The following RIMS2 variants were observed in gnomAD, a reference collection of about 807,000 sequenced individuals.
RIMS2 encodes the protein regulating synaptic membrane exocytosis protein 2.
RIMS2 carries 59 observed loss-of-function variants against 174.4 expected under a neutral mutation model. The observed-to-expected ratio is 0.34, with a 90% CI of 0.27 to 0.42. The LOEUF is 0.42. Among genes scored for constraint, RIMS2 ranks in the 10% least tolerant of loss-of-function variants. The probability of loss-of-function intolerance (pLI) is 1.00; values close to 1 mark genes in which losing one functional copy is unlikely to be tolerated. For missense variants in RIMS2, 1,620 were observed against 1,666.3 expected, an observed-to-expected ratio of 0.97 and a Z score of 0.48; for synonymous variants, 606 against 572.5, an observed-to-expected ratio of 1.06 and a Z score of -0.84.
At chr8:103,754,565 A>C (rs1318723694) in intron 2 of RIMS2, among the ~76,000 whole-genome samples, 1 of 152,066 alleles carries the variant, frequency 6.6e-6, no homozygotes, top group Non-Finnish European at 1.5e-5. Context: ...TGGGAGTCTA[A>C]GTCTCTTTGT....
intron 1 of RIMS2, among the ~76,000 whole-genome samples, chr8:103,594,874 G>C (rs2094424849): frequency 6.6e-6 from 1 of 151,750 alleles, no homozygotes; most frequent in South Asian, 2.1e-4. Flanking sequence ...ATCCCTATAA[G>C]ACATGGGAGA....
intron 1 of RIMS2, among the ~76,000 whole-genome samples, chr8:103,577,506 A>G (rs2160712): frequency 6.6e-6 from 1 of 152,168 alleles, no homozygotes; most frequent in African/African-American, 2.4e-5. Context: ...GAAATATGCA[A>G]TGTAGGTGAC....
At chr8:104,199,698 A>C (rs138789301) in intron 19 of RIMS2, among the ~76,000 whole-genome samples, 16 of 152,344 alleles carry the variant, frequency 1.1e-4, no homozygotes, top group African/African-American at 3.1e-4. Context: ...AAGGACAGAC[A>C]GTATATCAAT....
At chr8:103,720,708 G>A (rs1399009534) in intron 2 of RIMS2, among the ~76,000 whole-genome samples, 2 of 152,088 alleles carry the variant, frequency 1.3e-5, no homozygotes, top group African/African-American at 4.8e-5. Context: ...AGGTATTTTG[G>A]ACTGTATTAT....
At chr8:104,091,843 T>G (rs1197453048) in intron 19 of RIMS2, among the ~76,000 whole-genome samples, 1 of 151,666 alleles carries the variant, frequency 6.6e-6, no homozygotes, top group African/African-American at 2.4e-5. Flanking sequence ...ATAATGTTTC[T>G]TTTAAAATTA....
intron 1 of RIMS2, chr8:103,652,708 G>A (rs1383521924): frequency 7.4e-7 from 1 of 1,345,290 alleles, no homozygotes; most frequent in Non-Finnish European, 9.8e-7. Flanking sequence ...AGGAGCCCCA[G>A]ACGTAAGTAA....
chr8:103,855,745 G>T (rs2099024081), intron 3 of RIMS2, among the ~76,000 whole-genome samples: 1 of 151,766 alleles, frequency 6.6e-6, no homozygotes, highest in South Asian at 2.1e-4. Context: ...TTATTTTTTT[G>T]AATTTATTAA....
intron 8 of RIMS2, among the ~76,000 whole-genome samples, chr8:103,916,980 G>C (rs1468861361): frequency 6.6e-6 from 1 of 152,040 alleles, no homozygotes; most frequent in Non-Finnish European, 1.5e-5. Context: ...TAGACAAACA[G>C]ACCAAAAATA....
chr8:104,171,511 T>C (rs1263749468), intron 19 of RIMS2, among the ~76,000 whole-genome samples: 1 of 151,996 alleles, frequency 6.6e-6, no homozygotes, highest in Admixed American at 6.6e-5. Context: ...GTTATATATA[T>C]ATATCTCTCT....
intron 1 of RIMS2, among the ~76,000 whole-genome samples, chr8:103,537,449 A>G (rs553518219): frequency 1.2e-4 from 18 of 152,356 alleles, no homozygotes; most frequent in African/African-American, 4.1e-4. Flanking sequence ...AGTTTTAGTA[A>G]GATCTAATGT....
At chr8:103,587,429 A>G (rs189452738) in intron 1 of RIMS2, among the ~76,000 whole-genome samples, 1 of 118,730 alleles carries the variant, frequency 8.4e-6, no homozygotes, top group Admixed American at 7.9e-5. Context: ...AGAAAGAAAG[A>G]AAGAAAGAAA....
intron 2 of RIMS2, among the ~76,000 whole-genome samples, chr8:103,698,662 T>A (rs1165937162): frequency 6.6e-6 from 1 of 152,076 alleles, no homozygotes; most frequent in Non-Finnish European, 1.5e-5. Flanking sequence ...GGGGGATGAG[T>A]GTCTTGCTAT....
chr8:103,828,076 T>C (rs2098802874), intron 3 of RIMS2, among the ~76,000 whole-genome samples: 1 of 152,198 alleles, frequency 6.6e-6, no homozygotes, highest in African/African-American at 2.4e-5. Context: ...TACAATTTTA[T>C]ATATTGCTGG....
intron 3 of RIMS2, among the ~76,000 whole-genome samples, chr8:103,786,958 T>C (rs537447217): frequency 6.6e-6 from 1 of 151,828 alleles, no homozygotes; most frequent in Non-Finnish European, 1.5e-5. Flanking sequence ...GGTGCTCCTA[T>C]ATTGGGTGCA....
intron 2 of RIMS2, among the ~76,000 whole-genome samples, chr8:103,750,887 C>A (rs1485648112): frequency 1.3e-5 from 2 of 152,098 alleles, no homozygotes; most frequent in Non-Finnish European, 2.9e-5. Flanking sequence ...ATGTCCCCAA[C>A]CAAATCTCAT....
At chr8:103,744,107 A>G (rs894512651) in intron 2 of RIMS2, among the ~76,000 whole-genome samples, 6 of 152,154 alleles carry the variant, frequency 3.9e-5, no homozygotes, top group Non-Finnish European at 5.9e-5. Context: ...GTGCAGTGGC[A>G]GGATCTCAGC....
At chr8:104,204,734 G>C (rs2099071729) in intron 19 of RIMS2, among the ~76,000 whole-genome samples, 3 of 152,174 alleles carry the variant, frequency 2.0e-5, no homozygotes, top group African/African-American at 7.2e-5. Flanking sequence ...GTACTCAGGA[G>C]AACTGAGCCT....
chr8:103,501,034 G>A (rs2130697205), exon 1 of RIMS2: 1 of 1,609,594 alleles, frequency 6.2e-7, no homozygotes, highest in Admixed American at 1.7e-5. Flanking sequence ...GCAGAAGAAA[G>A]AAGAGGAGAA....
chr8:103,761,558 A>G (rs2098113460), intron 2 of RIMS2, among the ~76,000 whole-genome samples: 1 of 152,154 alleles, frequency 6.6e-6, no homozygotes, highest in Admixed American at 6.5e-5. Flanking sequence ...AGCACATGAG[A>G]ATTTTTAAAA....
Sources: gnomAD v4.1 joint callset for allele counts (sites outside exome capture counted in the v4.1 genomes callset) on GRCh38, gnomAD v4.1.1 for gene constraint, MANE v1.5 for transcripts, NCBI Gene and HGNC (gene_info 2026-07-23, HGNC 2026-07-21) for gene names.